CXCL12: variants seen among roughly 807,000 people sequenced by gnomAD.
CXCL12 encodes the protein stromal cell-derived factor 1.
In CXCL12, 4 loss-of-function variants were observed where a neutral mutation model predicts 10.7. The observed-to-expected ratio is 0.37, with a 90% CI of 0.18 to 0.86. The LOEUF is 0.86. CXCL12 is among the 40% of genes least tolerant of loss of function. The probability of loss-of-function intolerance (pLI) is 0.43; values close to 1 mark genes in which losing one functional copy is unlikely to be tolerated. For missense variants in CXCL12, 122 were observed against 110.4 expected, an observed-to-expected ratio of 1.10 and a Z score of -0.47; for synonymous variants, 54 against 45.4, an observed-to-expected ratio of 1.19 and a Z score of -0.77.
At chr10:44,374,573 A>C (rs1839401886), downstream of CXCL12, 1 of 455,936 alleles carries the variant, frequency 2.2e-6, no homozygotes, top group Non-Finnish European at 4.4e-6. Flanking sequence ...GCAGCGGGAA[A>C]CAAAGGTCTT....
chr10:44,375,168 T>C (rs1339546111), downstream of CXCL12, among the ~76,000 whole-genome samples: 1 of 152,106 alleles, frequency 6.6e-6, no homozygotes, highest in Non-Finnish European at 1.5e-5. Context: ...GGGGGACCCG[T>C]TTAAAGACTC....
At position 44,378,345 on chromosome 10, in the gene CXCL12, T is replaced by C. The variant is rs781198009; in HGVS notation, c.*288A>G. The C allele has an allele frequency of 1.3e-5, 20 of 1,500,452 alleles. No individual in the cohort carries two copies. The Admixed American group carries it at 3.5e-4, about 26-fold the overall frequency. The allele number at this position is 1,500,452 out of a possible 1,614,324, so 92.9% of individuals were successfully genotyped here. A position where few individuals can be genotyped will look rare whatever the true frequency, so the allele number is the denominator to read the frequency against. ...GGAACTAACTGCTTGAAAATGCTGT[T>C]GATAATACAATTTCTTTCTTAGAAA... On this transcript the variant is annotated 3_prime_UTR_variant, in exon 3 of 3. Coordinates refer to ENST00000343575, the MANE Select transcript of CXCL12 (RefSeq NM_199168.4).
Position 44,384,971 on chromosome 10 carries a change from A to T in CXCL12, c.35T>A (p.Val12Glu). The T allele has an allele frequency of 7.4e-7, 1 of 1,346,058 alleles. No individual in the cohort carries two copies. Among genetic ancestry groups the T allele is most frequent in the Non-Finnish European group, 9.7e-7 (1 of 1,029,874 alleles). The allele number at this position is 1,346,058 out of a possible 1,614,324, so 83.4% of individuals were successfully genotyped here. The change falls in exon 1 of 3, where the codon GTG (valine) becomes GAG (glutamate). Residue 12 changes from valine to glutamate, a missense_variant. By Grantham distance (121) the Val-to-Glu change is moderately radical (BLOSUM62 -2). Transcript: ENST00000343575. ...GTCGCTGAGGCAGAGCGCGGTCAGC[A>T]CGAGGACCAGCACGACCACGACCTT... ...NAKVVVVLVL[V>E]LTALCLSDGK...
rs910566009 is a variant in CXCL12 at position 44,377,963 on chromosome 10, T to G, written c.*670A>C. On this transcript the variant is annotated 3_prime_UTR_variant, in exon 3 of 3. Transcript: ENST00000343575. ...CATGCTCTCGGAGTCGGGGAGAGAG[T>G]AGGAATAGCTGGGAGAGGGGTCTCT... is the stretch of plus-strand genomic sequence containing the variant. The G allele has an allele frequency of 6.6e-7, 1 of 1,520,896 alleles. No homozygotes were observed. The highest frequency in any genetic ancestry group is 1.4e-5 in the African/African-American group (1 of 71,436). The allele number at this position is 1,520,896 out of a possible 1,614,324, so 94.2% of individuals were successfully genotyped here.
At chr10:44,374,383 G>C (rs1161929525), downstream of CXCL12, 1 of 450,800 alleles carries the variant, frequency 2.2e-6, no homozygotes, top group African/African-American at 2.0e-5. Flanking sequence ...ATGGACTAGA[G>C]TGGCTACTGG....
intron 2 of CXCL12, 145 bp from the exon 3 acceptor site, chr10:44,378,868 G>A (rs1190676025): frequency 1.4e-5 from 11 of 765,872 alleles, no homozygotes; most frequent in Admixed American, 6.7e-5. Flanking sequence ...AGAGGTGCTC[G>A]CGGTGTGCTG....
At chr10:44,378,795 C>T (rs1438977250) in intron 2 of CXCL12, 72 bp from the exon 3 acceptor site, 2 of 1,475,690 alleles carry the variant, frequency 1.4e-6, no homozygotes, top group Non-Finnish European at 9.5e-7. Context: ...TGCATCCGCT[C>T]CCCCAACACC....
chr10:44,371,055 G>C (rs577279344), downstream of CXCL12: 142 of 207,136 alleles, frequency 6.9e-4, no homozygotes, highest in East Asian at 3.9e-3. Context: ...GCTCGTGGAC[G>C]CACTTGACTA....
chr10:44,377,395 G>A lies in CXCL12; in HGVS notation c.*1238C>T, dbSNP rs1406480765. ...AAATACATTTGTTTTCTAAAGAAAC[G>A]TAAAAAAAAATGTGCACAAAAATAT... On this transcript the variant is annotated 3_prime_UTR_variant, in exon 3 of 3. Coordinates refer to ENST00000343575, the MANE Select transcript of CXCL12 (RefSeq NM_199168.4). 3 of 1,070,624 alleles carry A rather than the reference G, an allele frequency of 2.8e-6. No individual in the cohort carries two copies. Among genetic ancestry groups the A allele is most frequent in the East Asian group, 8.8e-5 (1 of 11,400 alleles). The allele number at this position is 1,070,624 out of a possible 1,614,324, so 66.3% of individuals were successfully genotyped here. A position where few individuals can be genotyped will look rare whatever the true frequency, so the allele number is the denominator to read the frequency against.
At chr10:44,375,777 T>C (rs923228924), downstream of CXCL12, 2 of 1,391,224 alleles carry the variant, frequency 1.4e-6, no homozygotes, top group Non-Finnish European at 1.9e-6. Flanking sequence ...AGCACATAAA[T>C]ACAGAAGCCG....
downstream of CXCL12, chr10:44,372,846 A>C (rs947249270): frequency 6.6e-7 from 1 of 1,515,752 alleles, no homozygotes; most frequent in Non-Finnish European, 8.8e-7. Flanking sequence ...TGAGCCTCCC[A>C]TGTGGCCCTC....
chr10:44,379,229 G>A (rs1839554751), intron 2 of CXCL12, among the ~76,000 whole-genome samples: 1 of 152,006 alleles, frequency 6.6e-6, no homozygotes. Flanking sequence ...CTGGAGGAAG[G>A]AGGCCTGCCA....
At position 44,378,022 on chromosome 10, in the gene CXCL12, G is replaced by C; in HGVS notation, c.*611C>G. The C allele has an allele frequency of 1.3e-6, 2 of 1,490,594 alleles. No homozygotes were observed. Among genetic ancestry groups the C allele is most frequent in the Non-Finnish European group, 1.8e-6 (2 of 1,132,054 alleles). 92.3% of individuals were successfully genotyped at this position (1,490,594 alleles called of 1,614,324 possible). On this transcript the variant is annotated 3_prime_UTR_variant, in exon 3 of 3. Transcript: ENST00000343575. Reference sequence around the variant, plus strand: ...TCCCAGTAATAGTGGCTTCTACATGGAGCCCACAGAGCCAATCACTGAGGT... The same window carrying C: ...TCCCAGTAATAGTGGCTTCTACATGCAGCCCACAGAGCCAATCACTGAGGT...
chr10:44,373,685 T>G (rs1010879058), downstream of CXCL12, among the ~76,000 whole-genome samples: 1 of 152,200 alleles, frequency 6.6e-6, no homozygotes, highest in Non-Finnish European at 1.5e-5. Flanking sequence ...GGCGTGGGGC[T>G]GAGGCTCAGG....
chr10:44,378,805 C>G (rs266085), intron 2 of CXCL12, 82 bp from the exon 3 acceptor site: 1 of 1,379,038 alleles, frequency 7.3e-7, no homozygotes, highest in Non-Finnish European at 1.0e-6. Context: ...CCCCCAACAC[C>G]CATCTAGGGC....
chr10:44,380,224 T>A (rs772831634), intron 2 of CXCL12, among the ~76,000 whole-genome samples: 4 of 152,218 alleles, frequency 2.6e-5, no homozygotes, highest in Non-Finnish European at 5.9e-5. Flanking sequence ...ATGAATAAAA[T>A]CAAATGTTAG....
In CXCL12 at chr10:44,378,682, G is replaced by A. The variant is rs766294067; in HGVS notation, c.221C>T (p.Pro74Leu). Residue 74 changes from proline (P) to leucine (L), a missense_variant, in exon 3 of 3, where the codon CCG becomes CTG. Transcript: ENST00000343575. The stretch of plus-strand genomic sequence containing the variant: ...GTACTCCTGAATCCACTTTAGCTTC[G>A]GGTCAATGCACACTTGTCTGTTGTT... ...KNNNRQVCID[P>L]KLKWIQEYLE... 63 of 1,614,046 alleles carry A rather than the reference G, an allele frequency of 3.9e-5. No individual in the cohort carries two copies. Among genetic ancestry groups the A allele is most frequent in the East Asian group, 3.1e-4 (14 of 44,894 alleles).
rs72790861 is a variant in CXCL12 at position 44,384,759 on chromosome 10, C to G, written c.61+186G>C. 0.26 allele frequency among the ~76,000 whole-genome samples: 39,469 copies of G among 152,232 alleles called. 5,336 individuals carry two copies. Among genetic ancestry groups the G allele is most frequent in the Non-Finnish European group, 0.31 (20,758 of 67,998 alleles). ...GCGGTCGCTCTCTGCAGGTCACAAACCCTCGGCGCAAAAGTAGGGCTTTGA... is the reference window on the plus strand; with the variant it reads ...GCGGTCGCTCTCTGCAGGTCACAAAGCCTCGGCGCAAAAGTAGGGCTTTGA... On this transcript the variant is annotated intron_variant, in intron 1 of 2. Coordinates refer to ENST00000343575, the MANE Select transcript of CXCL12 (RefSeq NM_199168.4).
chr10:44,377,756 T>A lies in CXCL12; in HGVS notation c.*877A>T, dbSNP rs537820207. 1.9e-6 allele frequency: 3 copies of A among 1,598,266 alleles called. No individual in the cohort carries two copies. The highest frequency in any genetic ancestry group is 2.5e-6 in the Non-Finnish European group (3 of 1,179,780). On this transcript the variant is annotated 3_prime_UTR_variant, in exon 3 of 3. Coordinates refer to ENST00000343575, the MANE Select transcript of CXCL12 (RefSeq NM_199168.4). ...GGGTAAGCAGGGGGACCATTACACA[T>A]CCCCAGGAGAGGGCCAGCTCCATTC...
Sources: allele counts gnomAD v4.1 joint callset (sites outside exome capture counted in the v4.1 genomes callset), GRCh38; gene constraint gnomAD v4.1.1; transcripts MANE v1.5; gene names NCBI Gene and HGNC (gene_info 2026-07-23, HGNC 2026-07-21).